The following SCARA3 variants were observed in gnomAD, a reference collection of about 807,000 sequenced individuals.
SCARA3 encodes the protein scavenger receptor class A member 3.
In SCARA3, 39 loss-of-function variants were observed where a neutral mutation model predicts 47.0. The observed-to-expected ratio is 0.83, with a 90% CI of 0.64 to 1.08. The LOEUF (loss-of-function observed/expected upper bound fraction) is 1.08. Ranked by LOEUF, SCARA3 falls within the 50% of genes least tolerant of loss-of-function variation. SCARA3 has a pLI of 0.00. For missense variants in SCARA3, 724 were observed against 792.3 expected (o/e 0.91, Z 1.04); for synonymous variants, 356 against 334.1 (o/e 1.07, Z -0.71).
At chr8:27,673,858 C>T (rs147124024), downstream of SCARA3, among the ~76,000 whole-genome samples, 196 of 152,286 alleles carry the variant, frequency 1.3e-3, no homozygotes, top group Middle Eastern at 6.8e-3. Context: ...ATTTCACGCT[C>T]CCTGAACTGT....
intron 5 of SCARA3, among the ~76,000 whole-genome samples, chr8:27,670,535 G>T (rs1305305040): frequency 6.6e-6 from 1 of 152,170 alleles, no homozygotes; most frequent in African/African-American, 2.4e-5. Flanking sequence ...AAATGACTGA[G>T]AAGTCATGGG....
intron 5 of SCARA3, among the ~76,000 whole-genome samples, chr8:27,661,568 G>A (rs1801914378): frequency 6.6e-6 from 1 of 152,146 alleles, no homozygotes; most frequent in Non-Finnish European, 1.5e-5. Context: ...AAGGAGGATT[G>A]ATTACATTCA....
chr8:27,661,354 C>G (rs1202355969), intron 5 of SCARA3, among the ~76,000 whole-genome samples: 1 of 152,202 alleles, frequency 6.6e-6, no homozygotes. Context: ...AACACACACA[C>G]ACTTTCCCCT....
chr8:27,656,319 A>G (rs1801742194), intron 3 of SCARA3, among the ~76,000 whole-genome samples: 1 of 152,284 alleles, frequency 6.6e-6, no homozygotes, highest in South Asian at 2.1e-4. Context: ...TAGCATATTT[A>G]GGGTTCCATA....
At position 27,672,203 on chromosome 8, in the gene SCARA3, G is replaced by A; in HGVS notation, c.*852G>A. The A allele has an allele frequency of 3.0e-6, 3 of 985,448 alleles. No individual in the cohort carries two copies. The highest frequency in any genetic ancestry group is 3.6e-6 in the Non-Finnish European group (3 of 829,960). 61.0% of individuals were successfully genotyped at this position (985,448 alleles called of 1,614,324 possible). ...TCTGGCCTTGCACACAGTGCCCCCTGAGAAGTTCAACATTTATTTCTTCAC... is the reference window on the plus strand; with the variant it reads ...TCTGGCCTTGCACACAGTGCCCCCTAAGAAGTTCAACATTTATTTCTTCAC... On this transcript the variant is annotated 3_prime_UTR_variant, in exon 6 of 6. Coordinates refer to ENST00000301904, the MANE Select transcript of SCARA3 (RefSeq NM_016240.3).
the SCARA3 span, among the ~76,000 whole-genome samples, chr8:27,713,637 G>A: frequency 6.6e-6 from 1 of 152,162 alleles, no homozygotes; most frequent in Non-Finnish European, 1.5e-5. Context: ...CTTCAGACCA[G>A]GTTCTGTGTC....
At chr8:27,699,467 G>C in the SCARA3 span, among the ~76,000 whole-genome samples, 4 of 152,168 alleles carry the variant, frequency 2.6e-5, no homozygotes, top group East Asian at 7.8e-4. Context: ...AGCTTCATGA[G>C]TTGTTGGGAT....
chr8:27,671,529 C>T lies in SCARA3; in HGVS notation c.*178C>T. The stretch of plus-strand genomic sequence containing the variant: ...TAGTGACTGTGCCATAGGAAAGCAG[C>T]CCCTCCTCACACATACATGTGCACA... On this transcript the variant is annotated 3_prime_UTR_variant, in exon 6 of 6. Coordinates refer to ENST00000301904, the MANE Select transcript of SCARA3 (RefSeq NM_016240.3). 7.8e-7 allele frequency: 1 copy of T among 1,288,692 alleles called. No homozygotes were observed. 79.8% of individuals were successfully genotyped at this position (1,288,692 alleles called of 1,614,324 possible). A position where few individuals can be genotyped will look rare whatever the true frequency, so the allele number is the denominator to read the frequency against.
At chr8:27,711,581 G>A in the SCARA3 span, among the ~76,000 whole-genome samples, 338 of 152,200 alleles carry the variant, frequency 2.2e-3, 7 homozygotes, top group East Asian at 0.057. Context: ...GTGGAAAATG[G>A]TATTTAGAAT....
At chr8:27,691,892 G>A in the SCARA3 span, among the ~76,000 whole-genome samples, 1 of 152,024 alleles carries the variant, frequency 6.6e-6, no homozygotes, top group Non-Finnish European at 1.5e-5. Flanking sequence ...ATTCCAATAA[G>A]ACAACGCCAG....
Position 27,671,151 on chromosome 8 carries a change from G to T in SCARA3, c.1621G>T (p.Gly541Trp). The change falls in exon 6 of 6, where the codon GGG becomes TGG. Residue 541 changes from glycine to tryptophan, a missense_variant. Physicochemically the swap from Gly to Trp is radical, Grantham distance 184 (BLOSUM62 -2). Transcript: ENST00000301904. ...GGPRGQPGPKGDIGPPGPEGP... is the reference protein window; with the variant it reads ...GGPRGQPGPKWDIGPPGPEGP... ...GCCGAGAGGACAGCCAGGCCCAAAA[G>T]GGGACATAGGGCCCCCAGGGCCAGA... 2 of 1,547,238 alleles carry T rather than the reference G, an allele frequency of 1.3e-6. No homozygotes were observed. The highest frequency in any genetic ancestry group is 1.7e-6 in the Non-Finnish European group (2 of 1,149,088).
chr8:27,659,634 T>A, intron 5 of SCARA3, 95 bp downstream of exon 5: 1 of 1,062,542 alleles, frequency 9.4e-7, no homozygotes, highest in Non-Finnish European at 1.3e-6. Flanking sequence ...GGCAAAGTAC[T>A]AGTGGGCTAA....
intron 1 of SCARA3, among the ~76,000 whole-genome samples, chr8:27,642,055 T>C (rs1461903918): frequency 6.6e-6 from 1 of 152,184 alleles, no homozygotes; most frequent in African/African-American, 2.4e-5. Context: ...GGCTTATTAT[T>C]TTTTTTGGCA....
chr8:27,637,580 G>A (rs976037357), intron 1 of SCARA3, among the ~76,000 whole-genome samples: 1 of 152,110 alleles, frequency 6.6e-6, no homozygotes, highest in Non-Finnish European at 1.5e-5. Flanking sequence ...CTTGGGGAGC[G>A]GAAGTGACTC....
At chr8:27,663,495 T>C (rs1801955519) in intron 5 of SCARA3, among the ~76,000 whole-genome samples, 1 of 152,218 alleles carries the variant, frequency 6.6e-6, no homozygotes. Flanking sequence ...ACCACTTCCA[T>C]CTGATGATGG....
At chr8:27,728,841 T>C in the SCARA3 span, among the ~76,000 whole-genome samples, 2 of 152,112 alleles carry the variant, frequency 1.3e-5, no homozygotes, top group Admixed American at 1.3e-4. Context: ...TGGGGCAACA[T>C]GGAGGGGGCC....
the SCARA3 span, among the ~76,000 whole-genome samples, chr8:27,712,605 C>T: frequency 6.7e-6 from 1 of 148,726 alleles, no homozygotes; most frequent in East Asian, 2.0e-4. Flanking sequence ...TTTTTCATGG[C>T]TTGATACCTC....
At position 27,656,487 on chromosome 8, in the gene SCARA3, T is replaced by C. The variant is rs35193681; in HGVS notation, c.227-295T>C. Among the ~76,000 whole-genome samples, 1,126 of 152,236 alleles carry C rather than the reference T, an allele frequency of 7.4e-3. 11 individuals are homozygous for C. The highest frequency in any genetic ancestry group is 0.016 in the Admixed American group (243 of 15,308). On this transcript the variant is annotated intron_variant, in intron 3 of 5. Coordinates refer to ENST00000301904, the MANE Select transcript of SCARA3 (RefSeq NM_016240.3). The stretch of plus-strand genomic sequence containing the variant: ...ACTGATGGCAGCAACCTTTGGGTGG[T>C]AGGAATAAGAATAATTTTTTTTTAA...
chr8:27,660,498 T>C (rs1002111994), intron 5 of SCARA3, among the ~76,000 whole-genome samples: 1 of 151,044 alleles, frequency 6.6e-6, no homozygotes, highest in Non-Finnish European at 1.5e-5. Flanking sequence ...AATGGATAGA[T>C]AGATAGATAG....
Sources: gnomAD v4.1 joint callset for allele counts (sites outside exome capture counted in the v4.1 genomes callset) on GRCh38, gnomAD v4.1.1 for gene constraint, MANE v1.5 for transcripts, NCBI Gene and HGNC (gene_info 2026-07-23, HGNC 2026-07-21) for gene names.